Variants in NIBAN1 observed in about 807,000 individuals in gnomAD.
NIBAN1 encodes the protein niban apoptosis regulator 1.
A neutral mutation model predicts 75.1 loss-of-function variants in NIBAN1; 81 were observed. The observed-to-expected ratio is 1.08, with a 90% CI of 0.90 to 1.30. NIBAN1 has a LOEUF of 1.30. Ranked by LOEUF, NIBAN1 falls within the 50% of genes most tolerant of loss-of-function variation. NIBAN1 has a pLI of 0.00. For missense variants in NIBAN1, 1,133 were observed against 1,128.1 expected (o/e 1.00, Z -0.06); for synonymous variants, 436 against 424.8 (o/e 1.03, Z -0.32).
intron 9 of NIBAN1, among the ~76,000 whole-genome samples, chr1:184,816,138 T>A (rs1654525061): frequency 6.6e-6 from 1 of 152,248 alleles, no homozygotes; most frequent in African/African-American, 2.4e-5. Context: ...ATCTAGCTCA[T>A]TCTTTAATCT....
chr1:184,883,640 A>T (rs1656433548), intron 5 of NIBAN1, among the ~76,000 whole-genome samples: 1 of 152,192 alleles, frequency 6.6e-6, no homozygotes, highest in Admixed American at 6.5e-5. Context: ...GCCTGAAGCA[A>T]CACCACCCCA....
rs139275274 is a variant in NIBAN1 at position 184,791,092 on chromosome 1, A to G, written c.*3885T>C. ...TGGCAGAGTAAATACATGGTTACAA[A>G]GTGTTTTAAGTTTATTTGCTTTATA... On this transcript the variant is annotated 3_prime_UTR_variant, in exon 14 of 14. Coordinates refer to ENST00000367511, the MANE Select transcript of NIBAN1 (RefSeq NM_052966.4). 327 of 468,660 alleles carry G rather than the reference A, an allele frequency of 7.0e-4. No homozygotes were observed. The highest frequency in any genetic ancestry group is 5.9e-3 in the African/African-American group (294 of 50,056). The allele number at this position is 468,660 out of a possible 1,614,324, so 29.0% of individuals were successfully genotyped here.
chr1:184,857,174 T>C (rs951580942), intron 5 of NIBAN1, among the ~76,000 whole-genome samples: 2 of 152,176 alleles, frequency 1.3e-5, no homozygotes, highest in Non-Finnish European at 2.9e-5. Flanking sequence ...AGGTGATGGG[T>C]TCTGGAGTCT....
chr1:184,868,608 T>A (rs1226456155), intron 5 of NIBAN1: 1 of 152,254 alleles, frequency 6.6e-6, no homozygotes, highest in Non-Finnish European at 1.5e-5. Context: ...AATTGTCACC[T>A]GAGTTTCAAT....
chr1:184,921,865 CA>C, intron 1 of NIBAN1, among the ~76,000 whole-genome samples: 1 of 152,198 alleles, frequency 6.6e-6, no homozygotes, highest in East Asian at 1.9e-4. Context: ...TTATTTTCAG[CA>C]CGTAGGCTCA....
At chr1:184,958,225 A>C (rs767923652) in intron 1 of NIBAN1, among the ~76,000 whole-genome samples, 3 of 152,070 alleles carry the variant, frequency 2.0e-5, no homozygotes, top group Non-Finnish European at 4.4e-5. Flanking sequence ...AACAATAAAA[A>C]ATAGCCAACT....
intron 1 of NIBAN1, among the ~76,000 whole-genome samples, chr1:184,942,937 A>G (rs1291074834): frequency 6.6e-6 from 1 of 152,220 alleles, no homozygotes; most frequent in Non-Finnish European, 1.5e-5. Context: ...ATTCTTTCCA[A>G]GAAGAGGAAA....
rs748556036 is a variant in NIBAN1, at chr1:184,823,277, C to G, written c.875G>C (p.Ser292Thr). The G allele has an allele frequency of 1.1e-5, 17 of 1,614,084 alleles. No homozygotes were observed. The highest frequency in any genetic ancestry group is 1.4e-5 in the Non-Finnish European group (16 of 1,180,030). ...LVQHQVSEGLSALKEECRALT... is the reference protein window; with the variant it reads ...LVQHQVSEGLTALKEECRALT... Reference sequence around the variant, plus strand: ...AGCTCTGCATTCCTCCTTCAAGGCACTTAATCCTTCTGAAACTTGATGCTG... The same window carrying G: ...AGCTCTGCATTCCTCCTTCAAGGCAGTTAATCCTTCTGAAACTTGATGCTG... The change falls in exon 8 of 14, where the codon AGT (serine) becomes ACT (threonine). Residue 292 changes from serine (S) to threonine (T), a missense_variant. Ser to Thr is a moderately conservative substitution (Grantham distance 58, BLOSUM62 1). Coordinates refer to ENST00000367511, the MANE Select transcript of NIBAN1 (RefSeq NM_052966.4).
At chr1:184,882,429 T>C (rs1328636072) in intron 5 of NIBAN1, among the ~76,000 whole-genome samples, 8 of 152,200 alleles carry the variant, frequency 5.3e-5, no homozygotes, top group African/African-American at 1.9e-4. Flanking sequence ...TTCCCTACAA[T>C]GTTATCACAG....
chr1:184,940,926 C>A (rs1032599417), intron 1 of NIBAN1, among the ~76,000 whole-genome samples: 2 of 152,196 alleles, frequency 1.3e-5, no homozygotes, highest in Non-Finnish European at 2.9e-5. Flanking sequence ...CATCTCCTAG[C>A]GGGTTAAGCG....
intron 5 of NIBAN1, among the ~76,000 whole-genome samples, chr1:184,857,078 A>T (rs533334436): frequency 5.9e-4 from 90 of 152,334 alleles, no homozygotes; most frequent in Non-Finnish European, 9.0e-4. Context: ...GAAATCTTCA[A>T]GCCTATCCTA....
At chr1:184,822,886 C>G (rs1346419221) in intron 8 of NIBAN1, among the ~76,000 whole-genome samples, 3 of 152,136 alleles carry the variant, frequency 2.0e-5, no homozygotes, top group African/African-American at 7.2e-5. Flanking sequence ...AATTCAGTGT[C>G]AAGGGTGCTA....
intron 5 of NIBAN1, among the ~76,000 whole-genome samples, chr1:184,833,390 T>C (rs555326031): frequency 5.3e-5 from 8 of 151,648 alleles, no homozygotes; most frequent in Non-Finnish European, 1.0e-4. Context: ...ACGAAGTCCA[T>C]TCGAAGCTGC....
chr1:184,802,480 C>T (rs886494729), intron 12 of NIBAN1, among the ~76,000 whole-genome samples: 5 of 152,164 alleles, frequency 3.3e-5, no homozygotes, highest in Admixed American at 2.0e-4. Context: ...ACTGTTCTGC[C>T]ATGTAAGGCC....
intron 6 of NIBAN1, among the ~76,000 whole-genome samples, chr1:184,825,120 T>C (rs1215965935): frequency 6.6e-6 from 1 of 152,220 alleles, no homozygotes; most frequent in Admixed American, 6.5e-5. Flanking sequence ...ACAACAGCAG[T>C]TCCTTTTTTA....
chr1:184,802,688 G>A (rs561219438), intron 12 of NIBAN1, among the ~76,000 whole-genome samples: 1 of 152,290 alleles, frequency 6.6e-6, no homozygotes, highest in East Asian at 1.9e-4. Context: ...GAGACTCTCC[G>A]AGCTGCCAAA....
chr1:184,801,055 T>C (rs950046965), intron 12 of NIBAN1, among the ~76,000 whole-genome samples: 1 of 152,174 alleles, frequency 6.6e-6, no homozygotes, highest in Admixed American at 6.5e-5. Context: ...TACCAAATCA[T>C]ATCCCATGAT....
At chr1:184,892,390 A>C (rs758755675) in intron 3 of NIBAN1, among the ~76,000 whole-genome samples, 6 of 152,176 alleles carry the variant, frequency 3.9e-5, no homozygotes, top group African/African-American at 7.2e-5. Flanking sequence ...CCATAGTATG[A>C]ACCATATTAT....
At chr1:184,939,868 G>GT (rs1327274980) in intron 1 of NIBAN1, among the ~76,000 whole-genome samples, 2 of 152,102 alleles carry the variant, frequency 1.3e-5, no homozygotes, top group Non-Finnish European at 2.9e-5. Context: ...CACACCTCTG[G>GT]TGGGTAGGGG....
Sources: allele counts gnomAD v4.1 joint callset (sites outside exome capture counted in the v4.1 genomes callset), GRCh38; gene constraint gnomAD v4.1.1; transcripts MANE v1.5; gene names NCBI Gene and HGNC (gene_info 2026-07-23, HGNC 2026-07-21).